The following ADCY9 variants were observed in gnomAD, a reference collection of about 807,000 sequenced individuals.
ADCY9 encodes adenylate cyclase type 9.
In ADCY9, 50 loss-of-function variants were observed where a neutral mutation model predicts 101.5. The observed-to-expected ratio is 0.49, with a 90% confidence interval of 0.39 to 0.62. The LOEUF is 0.62. Among genes scored for constraint, ADCY9 ranks in the 20% least tolerant of loss-of-function variants. The probability of loss-of-function intolerance (pLI) is 0.00; values close to 1 mark genes in which losing one functional copy is unlikely to be tolerated. For missense variants in ADCY9, 1,662 were observed against 1,800.4 expected (o/e 0.92, Z 1.39); for synonymous variants, 905 against 769.3 (o/e 1.18, Z -2.92).
chr16:4,041,340 C>T (rs1190217438), intron 2 of ADCY9, among the ~76,000 whole-genome samples: 1 of 151,966 alleles, frequency 6.6e-6, no homozygotes, highest in East Asian at 1.9e-4. Context: ...TCCGTCTCTA[C>T]TAAAAACACA....
rs1273608082 is a variant in ADCY9, at chr16:4,114,099, C to G, written c.1344G>C (p.Val448=). 3 of 1,613,756 alleles carry G rather than the reference C, an allele frequency of 1.9e-6. No homozygotes were observed. The highest frequency in any genetic ancestry group is 2.5e-6 in the Non-Finnish European group (3 of 1,180,048). ...ISTLGDCYYC[V]AGCPEPRADH... ...CGGCCCGGGGCTCGGGACAGCCCGC[C>G]ACGCAGTAGTAACAGTCTCCCAGGG... is the stretch of plus-strand genomic sequence containing the variant. The change falls in exon 2 of 11, where the codon GTG becomes GTC. Residue 448 remains valine (V), a synonymous_variant. Coordinates refer to ENST00000294016, the MANE Select transcript of ADCY9 (RefSeq NM_001116.4). This position sits in a 1 kb window ranked among gnomAD's most constrained non-coding sequence, Gnocchi z 4.3.
intron 6 of ADCY9, among the ~76,000 whole-genome samples, chr16:3,985,773 T>C (rs111845991): frequency 0.017 from 2,592 of 152,136 alleles, 69 homozygotes; most frequent in African/African-American, 0.058. Flanking sequence ...TCCACCTCCC[T>C]TGCAGTCTCT....
intron 2 of ADCY9, among the ~76,000 whole-genome samples, chr16:4,010,781 C>CGTT (rs904553900): frequency 1.1e-3 from 161 of 152,244 alleles, no homozygotes; most frequent in African/African-American, 3.7e-3. Context: ...AAAGTTCAGG[C>CGTT]GTTGTGGAGT....
intron 3 of ADCY9, among the ~76,000 whole-genome samples, chr16:3,998,570 G>A (rs995367119): frequency 6.6e-6 from 1 of 151,544 alleles, no homozygotes; most frequent in Non-Finnish European, 1.5e-5. Context: ...TTAGCCTGGC[G>A]TGGTGGTGCA....
intron 2 of ADCY9, among the ~76,000 whole-genome samples, chr16:4,040,559 C>T (rs770532783): frequency 4.6e-5 from 7 of 151,626 alleles, no homozygotes; most frequent in Non-Finnish European, 1.0e-4. Context: ...TGGGTTCATG[C>T]GATCCTCCCA....
At chr16:3,979,338 C>G in intron 7 of ADCY9, 63 bp from the exon 8 acceptor site, 1 of 1,586,220 alleles carries the variant, frequency 6.3e-7, no homozygotes. Flanking sequence ...GGCCAGGAGA[C>G]AGGTGCGAGG....
chr16:4,056,775 G>A (rs1022820777), intron 2 of ADCY9, among the ~76,000 whole-genome samples: 1 of 152,330 alleles, frequency 6.6e-6, no homozygotes, highest in Admixed American at 6.5e-5. Context: ...ATGTGCTGTT[G>A]TTATAATTCG....
At chr16:4,087,798 T>G (rs988316709) in intron 2 of ADCY9, among the ~76,000 whole-genome samples, 1 of 151,736 alleles carries the variant, frequency 6.6e-6, no homozygotes, top group East Asian at 1.9e-4. Flanking sequence ...GCAATCCTGT[T>G]ACTATTTATT....
rs752822315 is a variant in ADCY9 at position 3,965,803 on chromosome 16, G to C, written c.4034C>G (p.Thr1345Ser). The change falls in exon 11 of 11, where the codon ACC becomes AGC. Residue 1345 changes from threonine (T) to serine (S), a missense_variant. This residue lies in a region of ADCY9 where 168 missense variants were observed against 155.3 expected (regional missense o/e 1.08). Transcript: ENST00000294016. The stretch of plus-strand genomic sequence containing the variant: ...CACACTCTTTGAAACGTTGAGCTTG[G>C]TGAGTTCGTTGGCTTCTTCTATTCC... Reference protein sequence around the residue: ...ETGIEEANELTKLNVSKSV With the variant: ...ETGIEEANELSKLNVSKSV 4 of 1,613,660 alleles carry C rather than the reference G, an allele frequency of 2.5e-6. No individual in the cohort carries two copies. The highest frequency in any genetic ancestry group is 1.3e-5 in the African/African-American group (1 of 74,826).
chr16:4,008,544 A>G (rs1295966470), intron 2 of ADCY9, among the ~76,000 whole-genome samples: 1 of 152,112 alleles, frequency 6.6e-6, no homozygotes, highest in Admixed American at 6.6e-5. Context: ...CACCGAGAAT[A>G]AAATCATGAA....
Position 4,114,005 on chromosome 16 carries a change from TCTC to T in ADCY9, c.1435_1437del (p.Glu479del). On this transcript the variant is annotated inframe_deletion, in exon 2 of 11. Coordinates refer to ENST00000294016, the MANE Select transcript of ADCY9 (RefSeq NM_001116.4). The surrounding 1 kb of genome is among the most constrained non-coding windows in gnomAD (Gnocchi z 4.3). ...ACTCTCATGTTCACCATCTCCTTCT[TCTC>T]CTGGCAGAACTGCTCGATGGCCTTG... 1 of 1,613,742 alleles carries T rather than the reference TCTC, an allele frequency of 6.2e-7. No homozygotes were observed. Among genetic ancestry groups the T allele is most frequent in the East Asian group, 2.2e-5 (1 of 44,876 alleles).
intron 2 of ADCY9, among the ~76,000 whole-genome samples, chr16:4,056,014 A>G (rs183027723): frequency 3.3e-5 from 5 of 152,224 alleles, no homozygotes; most frequent in Admixed American, 3.3e-4. Flanking sequence ...CCACTTCCTT[A>G]GCTCCCATAG....
At chr16:4,024,483 TAG>T (rs2056500444) in intron 2 of ADCY9, among the ~76,000 whole-genome samples, 2 of 152,174 alleles carry the variant, frequency 1.3e-5, no homozygotes, top group Admixed American at 1.3e-4. Flanking sequence ...GGAAATTAAC[TAG>T]ACGATGAACT....
intron 2 of ADCY9, among the ~76,000 whole-genome samples, chr16:4,097,320 G>A (rs912190610): frequency 2.6e-5 from 4 of 151,322 alleles, no homozygotes; most frequent in African/African-American, 7.3e-5. Context: ...AAGACCCTCC[G>A]GAGCCTCTAT....
chr16:3,983,656 C>T (rs545835774), intron 6 of ADCY9: 19 of 567,826 alleles, frequency 3.3e-5, no homozygotes, highest in Admixed American at 1.2e-4. Flanking sequence ...GGGCTGGGCA[C>T]GGTGGCTCAC....
chr16:4,009,654 G>A (rs1003972299), intron 2 of ADCY9, among the ~76,000 whole-genome samples: 5 of 152,136 alleles, frequency 3.3e-5, no homozygotes, highest in Non-Finnish European at 5.9e-5. Flanking sequence ...GATCAATCAC[G>A]ACTGTAACAT....
rs535544633 is a variant in ADCY9, at chr16:4,003,830, T to TG, written c.1884+3537dup. Among the ~76,000 whole-genome samples the TG allele has an allele frequency of 1.8e-3, 279 of 152,212 alleles. 1 individual carries two copies. The highest frequency in any genetic ancestry group is 6.4e-3 in the African/African-American group (266 of 41,550). ...CGCCTCCCCTCCGCGACGCTGACAG[T>TG]GGCGTCCTCATGTCTAATGCTTACT... On this transcript the variant is annotated intron_variant, in intron 3 of 10. Coordinates refer to ENST00000294016, the MANE Select transcript of ADCY9 (RefSeq NM_001116.4).
At position 3,966,922 on chromosome 16, in the gene ADCY9, C is replaced by T. The variant is rs374135203; in HGVS notation, c.2915G>A (p.Arg972Gln). 17 of 1,613,652 alleles carry T rather than the reference C, an allele frequency of 1.1e-5. No homozygotes were observed. Among genetic ancestry groups the T allele is most frequent in the African/African-American group, 2.7e-5 (2 of 74,944 alleles). Residue 972 changes from arginine (R) to glutamine (Q), a missense_variant, in exon 11 of 11, where the codon CGG (arginine) becomes CAG (glutamine). Coordinates refer to ENST00000294016, the MANE Select transcript of ADCY9 (RefSeq NM_001116.4). ...CTGGCCGATGAGGCTGGCGGGCCGC[C>T]GGAGGTCACGCGGCACCGAACTATT... is the stretch of plus-strand genomic sequence containing the variant. ...PCNSSVPRDLRRPASLIGQEV... is the reference protein window; with the variant it reads ...PCNSSVPRDLQRPASLIGQEV...
chr16:4,062,109 A>G (rs2056776964), intron 2 of ADCY9, among the ~76,000 whole-genome samples: 1 of 152,208 alleles, frequency 6.6e-6, no homozygotes, highest in African/African-American at 2.4e-5. Context: ...ACTTGAATCC[A>G]GGAGTTTGAA....
Sources: gnomAD v4.1 joint callset for allele counts (sites outside exome capture counted in the v4.1 genomes callset) on GRCh38, gnomAD v4.1.1 for gene constraint, gnomAD v4.1.1 regional missense constraint, Gnocchi (gnomAD v3.1) non-coding constraint, MANE v1.5 for transcripts, NCBI Gene and HGNC (gene_info 2026-07-23, HGNC 2026-07-21) for gene names.